SPAG16: variants seen among roughly 807,000 people sequenced by gnomAD.
SPAG16 encodes the protein sperm-associated antigen 16 protein.
SPAG16 carries 86 observed loss-of-function variants against 80.4 expected under a neutral mutation model. That is an observed-to-expected ratio of 1.07 (90% CI 0.90 to 1.28). The LOEUF (loss-of-function observed/expected upper bound fraction) is 1.28. Among genes scored for constraint, SPAG16 ranks in the 50% most tolerant of loss-of-function variants. The pLI, the probability that SPAG16 is intolerant of heterozygous loss-of-function variation, is 0.00. For synonymous variants in SPAG16, 294 were observed against 265.9 expected (o/e 1.11, Z -1.03); for missense variants, 870 against 765.3 (o/e 1.14, Z -1.61).
intron 15 of SPAG16, among the ~76,000 whole-genome samples, chr2:214,152,772 G>A (rs768092754): frequency 6.6e-6 from 1 of 152,176 alleles, no homozygotes; most frequent in Non-Finnish European, 1.5e-5. Flanking sequence ...GTAAGGTCAC[G>A]TGGGTCACGT....
At chr2:214,179,372 C>G (rs2057236412) in intron 15 of SPAG16, among the ~76,000 whole-genome samples, 1 of 151,148 alleles carries the variant, frequency 6.6e-6, no homozygotes, top group Non-Finnish European at 1.5e-5. Flanking sequence ...TGCTGAAACC[C>G]CAGCGTATAT....
At chr2:213,293,124 C>T (rs1238919915) in intron 1 of SPAG16, among the ~76,000 whole-genome samples, 1 of 152,142 alleles carries the variant, frequency 6.6e-6, no homozygotes, top group Non-Finnish European at 1.5e-5. Flanking sequence ...ATCGCAAGAT[C>T]TCATGGTTTT....
chr2:214,037,864 GGTGTGTGTGTGTGTGTGTGTGTGTGTGT>G (rs35564156), intron 13 of SPAG16, among the ~76,000 whole-genome samples: 1 of 133,630 alleles, frequency 7.5e-6, no homozygotes, highest in Non-Finnish European at 1.6e-5. Context: ...CCAGAAGCCT[GGTGTGTGTGTGTGTGTGTGTGTGTGTGT>G]GTGTGTGTGT....
intron 12 of SPAG16, among the ~76,000 whole-genome samples, chr2:213,992,982 A>G (rs1418370276): frequency 6.6e-6 from 1 of 152,218 alleles, no homozygotes; most frequent in Non-Finnish European, 1.5e-5. Context: ...CAAAAGGATG[A>G]ACAAAATACT....
At chr2:213,653,157 C>T (rs909507225) in intron 10 of SPAG16, among the ~76,000 whole-genome samples, 1 of 152,102 alleles carries the variant, frequency 6.6e-6, no homozygotes, top group African/African-American at 2.4e-5. Context: ...GTTTCAAACA[C>T]CATTCTAAAT....
rs577069272 is a variant in SPAG16 at position 213,967,024 on chromosome 2, G to A, written c.1400+36879G>A. 4.6e-5 allele frequency among the ~76,000 whole-genome samples: 7 copies of A among 152,236 alleles called. No individual in the cohort carries two copies. In the South Asian group the frequency reaches 1.5e-3, roughly 32 times the overall value. On this transcript the variant is annotated intron_variant, in intron 12 of 15. Coordinates refer to ENST00000331683, the MANE Select transcript of SPAG16 (RefSeq NM_024532.5). Reference sequence around the variant, plus strand: ...AGTCAGCTCACCTTTTAAGCCCAGAGGTTCTCAGACTGTATCAACTTTTGA... The same window carrying A: ...AGTCAGCTCACCTTTTAAGCCCAGAAGTTCTCAGACTGTATCAACTTTTGA...
intron 12 of SPAG16, among the ~76,000 whole-genome samples, chr2:213,983,683 T>G (rs2045875800): frequency 6.6e-6 from 1 of 151,986 alleles, no homozygotes; most frequent in Non-Finnish European, 1.5e-5. Flanking sequence ...AGAAAGTCAT[T>G]TTTTCTTGAG....
intron 8 of SPAG16, among the ~76,000 whole-genome samples, chr2:213,367,984 C>T (rs1164962593): frequency 1.4e-5 from 2 of 146,448 alleles, no homozygotes; most frequent in Non-Finnish European, 3.0e-5. Context: ...AGGAAGGGAT[C>T]CAGTTTCAGC....
intron 9 of SPAG16, among the ~76,000 whole-genome samples, chr2:213,380,737 C>T (rs138855934): frequency 0.012 from 1,824 of 152,166 alleles, 34 homozygotes; most frequent in African/African-American, 0.031. Context: ...CTCCATAATC[C>T]AAGAGGCCTC....
intron 11 of SPAG16, among the ~76,000 whole-genome samples, chr2:213,914,410 G>A (rs2077849791): frequency 6.6e-6 from 1 of 151,990 alleles, no homozygotes. Context: ...GTCAACCTTA[G>A]CAGAAATTTA....
chr2:213,405,095 T>C (rs1390865381), intron 9 of SPAG16, among the ~76,000 whole-genome samples: 1 of 152,174 alleles, frequency 6.6e-6, no homozygotes, highest in Non-Finnish European at 1.5e-5. Flanking sequence ...ATGCTTTACT[T>C]TTTCACTACT....
chr2:213,904,369 G>A (rs1223550639), intron 11 of SPAG16, among the ~76,000 whole-genome samples: 1 of 152,078 alleles, frequency 6.6e-6, no homozygotes, highest in African/African-American at 2.4e-5. Flanking sequence ...CATAGTGGCA[G>A]CAAGAGAAAA....
intron 15 of SPAG16, among the ~76,000 whole-genome samples, chr2:214,352,558 C>CTCTGTGTGTGTG (rs796885924): frequency 2.1e-5 from 3 of 142,468 alleles, no homozygotes; most frequent in Non-Finnish European, 4.5e-5. Context: ...CTTTTTTTCT[C>CTCTGTGTGTGTG]TGTGTGTGTG....
chr2:213,980,706 G>GTA (rs1277138033), intron 12 of SPAG16, among the ~76,000 whole-genome samples: 2 of 77,592 alleles, frequency 2.6e-5, no homozygotes, highest in Non-Finnish European at 4.4e-5. Flanking sequence ...ATGTGTGTGT[G>GTA]TGTGTGTATA....
chr2:214,024,061 A>G (rs1223474923), intron 13 of SPAG16, among the ~76,000 whole-genome samples: 1 of 151,606 alleles, frequency 6.6e-6, no homozygotes, highest in Non-Finnish European at 1.5e-5. Context: ...ATGGTGTTGG[A>G]TGAGATAAAA....
intron 10 of SPAG16, among the ~76,000 whole-genome samples, chr2:213,615,523 G>A (rs1173514400): frequency 1.3e-5 from 2 of 152,118 alleles, no homozygotes; most frequent in African/African-American, 2.4e-5. Context: ...CCTGAGAGGC[G>A]GAGGTTGCAG....
chr2:214,406,077 T>C (rs568803708), intron 15 of SPAG16, among the ~76,000 whole-genome samples: 51 of 152,302 alleles, frequency 3.3e-4, no homozygotes, highest in African/African-American at 1.1e-3. Context: ...CAAGCACATA[T>C]TAAGTACTGA....
intron 10 of SPAG16, among the ~76,000 whole-genome samples, chr2:213,861,513 A>T (rs2075461659): frequency 6.6e-6 from 1 of 152,214 alleles, no homozygotes; most frequent in African/African-American, 2.4e-5. Flanking sequence ...ACCGCACCAC[A>T]TTGGCAAGTA....
chr2:214,303,788 G>GT (rs564627988), intron 15 of SPAG16, among the ~76,000 whole-genome samples: 4 of 151,528 alleles, frequency 2.6e-5, no homozygotes, highest in Non-Finnish European at 4.4e-5. Flanking sequence ...CAGTATTTAG[G>GT]TTTTTTTTCC....
Sources: gnomAD v4.1 joint callset for allele counts (sites outside exome capture counted in the v4.1 genomes callset) on GRCh38, gnomAD v4.1.1 for gene constraint, MANE v1.5 for transcripts, NCBI Gene and HGNC (gene_info 2026-07-23, HGNC 2026-07-21) for gene names.